IL34: variants seen among roughly 807,000 people sequenced by gnomAD.
IL34 encodes the protein interleukin 34.
IL34 carries 17 observed loss-of-function variants against 25.3 expected under a neutral mutation model. That is an observed-to-expected ratio of 0.67 (90% CI 0.46 to 1.01). The LOEUF (loss-of-function observed/expected upper bound fraction) is 1.01, where lower values mean the gene tolerates loss of function less well. Ranked by LOEUF, IL34 falls within the 50% of genes least tolerant of loss-of-function variation. The probability of loss-of-function intolerance (pLI) is 0.00; values close to 1 mark genes in which losing one functional copy is unlikely to be tolerated. For synonymous variants in IL34, 174 were observed against 140.9 expected (o/e 1.23, Z -1.66); for missense variants, 368 against 312.9 (o/e 1.18, Z -1.33).
intron 1 of IL34, among the ~76,000 whole-genome samples, chr16:70,622,287 CA>C (rs1235531042): frequency 6.6e-6 from 1 of 151,986 alleles, no homozygotes; most frequent in Non-Finnish European, 1.5e-5. Context: ...TTATCTGACT[CA>C]GGGCATGTTG....
chr16:70,590,775 C>A (rs1029315962), intron 1 of IL34, among the ~76,000 whole-genome samples: 1 of 152,176 alleles, frequency 6.6e-6, no homozygotes, highest in Non-Finnish European at 1.5e-5. Context: ...CCAGGCAGTC[C>A]GGCTTGAGCC....
intron 1 of IL34, among the ~76,000 whole-genome samples, chr16:70,647,634 C>G (rs369669270): frequency 6.6e-6 from 1 of 152,194 alleles, no homozygotes; most frequent in Non-Finnish European, 1.5e-5. Flanking sequence ...GTGCCTCCCA[C>G]GTGCCCACTG....
At chr16:70,603,833 C>T (rs1283218443) in intron 1 of IL34, among the ~76,000 whole-genome samples, 1 of 152,230 alleles carries the variant, frequency 6.6e-6, no homozygotes, top group Non-Finnish European at 1.5e-5. Context: ...CCTCCTGCTT[C>T]AGCCTCCCAA....
chr16:70,611,987 C>T lies in IL34; in HGVS notation c.-401+31938C>T, dbSNP rs538100732. Among the ~76,000 whole-genome samples, 9 of 152,300 alleles carry T rather than the reference C, an allele frequency of 5.9e-5. 1 individual carries two copies. The South Asian group carries it at 1.9e-3, about 32-fold the overall frequency. On this transcript the variant is annotated intron_variant, in intron 1 of 6. Coordinates refer to the IL34 transcript ENST00000429149. ...AAGGATGCAGTGAGCCATGATTGCA[C>T]CTCTGCACTCCAGCCTGGGCAATAC...
chr16:70,627,728 C>G (rs35437297), intron 1 of IL34, among the ~76,000 whole-genome samples: 43,155 of 152,000 alleles, frequency 0.28, 6,414 homozygotes, highest in South Asian at 0.45. Flanking sequence ...CTTCAGATCC[C>G]AAAGTGGTGG....
chr16:70,627,432 CCCTCCCCCTCCGCTCCCCTCCCCCT>C (rs1222465760), intron 1 of IL34, among the ~76,000 whole-genome samples: 1 of 141,986 alleles, frequency 7.0e-6, no homozygotes, highest in Non-Finnish European at 1.5e-5. Flanking sequence ...CCCTCCTCTC[CCCTCCCCCTCCGCTCCCCTCCCCCT>C]CCTCCCCCTT....
chr16:70,615,535 T>C lies in IL34; in HGVS notation c.-400-31013T>C, dbSNP rs551582687. 7.2e-5 allele frequency among the ~76,000 whole-genome samples: 11 copies of C among 152,078 alleles called. No homozygotes were observed. The South Asian group carries it at 2.1e-3, about 29-fold the overall frequency. Reference sequence around the variant, plus strand: ...TAAATAAATAAATAAATAAATAAAATAAAGATACACTGTCTCTGAAAGGTG... The same window carrying C: ...TAAATAAATAAATAAATAAATAAAACAAAGATACACTGTCTCTGAAAGGTG... On this transcript the variant is annotated intron_variant, in intron 1 of 6. Coordinates refer to the IL34 transcript ENST00000429149.
chr16:70,634,001 C>A lies in IL34; in HGVS notation c.-400-12547C>A, dbSNP rs140697449. ...GAGTAGCTGGAATTACAGGCGTGCA[C>A]CACCACGCCCAGCTAATTTTTGTAT... is the stretch of plus-strand genomic sequence containing the variant. On this transcript the variant is annotated intron_variant, in intron 1 of 6. Transcript: ENST00000429149. Among the ~76,000 whole-genome samples the A allele has an allele frequency of 5.6e-3, 849 of 152,194 alleles. 7 individuals carry two copies. The highest frequency in any genetic ancestry group is 0.017 in the Middle Eastern group (5 of 294).
chr16:70,586,133 T>C (rs1384399980), intron 1 of IL34, among the ~76,000 whole-genome samples: 1 of 152,180 alleles, frequency 6.6e-6, no homozygotes, highest in Non-Finnish European at 1.5e-5. Flanking sequence ...CCCCCAGCCC[T>C]GGCCTCCTTG....
At chr16:70,587,675 A>G (rs1297768782) in intron 1 of IL34, among the ~76,000 whole-genome samples, 1 of 152,070 alleles carries the variant, frequency 6.6e-6, no homozygotes, top group Non-Finnish European at 1.5e-5. Context: ...AAAATGGGGA[A>G]AAATACACAA....
At chr16:70,641,904 A>G (rs2051793588), upstream of IL34, among the ~76,000 whole-genome samples, 1 of 152,140 alleles carries the variant, frequency 6.6e-6, no homozygotes, top group Non-Finnish European at 1.5e-5. Context: ...AAAAATCCTC[A>G]TTAGTTATTT....
intron 1 of IL34, among the ~76,000 whole-genome samples, chr16:70,631,076 G>T (rs911070289): frequency 6.6e-6 from 1 of 152,370 alleles, no homozygotes; most frequent in African/African-American, 2.4e-5. Context: ...GGTTGAAACT[G>T]AAGATGCAAA....
intron 1 of IL34, among the ~76,000 whole-genome samples, chr16:70,589,434 T>C (rs1256380372): frequency 1.3e-5 from 2 of 152,080 alleles, no homozygotes; most frequent in African/African-American, 4.8e-5. Flanking sequence ...TTGTCCCCTC[T>C]ATGTGTCCCT....
chr16:70,659,395 A>T (rs532591875), intron 4 of IL34, among the ~76,000 whole-genome samples: 1 of 152,190 alleles, frequency 6.6e-6, no homozygotes, highest in African/African-American at 2.4e-5. Context: ...AAGGATGGAA[A>T]AGCGAAGCCT....
At chr16:70,611,345 G>A (rs552874942) in intron 1 of IL34, among the ~76,000 whole-genome samples, 3 of 152,096 alleles carry the variant, frequency 2.0e-5, no homozygotes, top group Non-Finnish European at 4.4e-5. Context: ...TGCCAGGTAC[G>A]GCAGATTTGT....
At chr16:70,647,099 C>G in intron 1 of IL34, 124 bp downstream of exon 1, 1 of 850,698 alleles carries the variant, frequency 1.2e-6, no homozygotes, top group Non-Finnish European at 1.7e-6. Context: ...CCCAGCCGGA[C>G]TGCAGACACC....
chr16:70,657,163 G>A, intron 4 of IL34, 42 bp downstream of exon 4: 2 of 1,582,072 alleles, frequency 1.3e-6, no homozygotes, highest in Non-Finnish European at 8.6e-7. Flanking sequence ...GTGTGTGTGT[G>A]CACACGTGTG....
intron 1 of IL34, among the ~76,000 whole-genome samples, chr16:70,596,424 G>A (rs767574758): frequency 2.1e-4 from 32 of 152,220 alleles, no homozygotes; most frequent in Non-Finnish European, 3.7e-4. Context: ...ATGACAGGCT[G>A]TGATATGGAG....
intron 4 of IL34, among the ~76,000 whole-genome samples, chr16:70,658,031 G>A: frequency 6.6e-6 from 1 of 152,196 alleles, no homozygotes; most frequent in Non-Finnish European, 1.5e-5. Flanking sequence ...GACCCATGCA[G>A]GCCGTGTGTG....
Sources: allele counts gnomAD v4.1 joint callset (sites outside exome capture counted in the v4.1 genomes callset), GRCh38; gene constraint gnomAD v4.1.1; transcripts MANE v1.5; gene names NCBI Gene and HGNC (gene_info 2026-07-23, HGNC 2026-07-21).